Variants in NIBAN1 observed in about 807,000 individuals in gnomAD.
NIBAN1 encodes protein Niban 1.
In NIBAN1, 81 loss-of-function variants were observed where a neutral mutation model predicts 75.1. The ratio of observed to expected loss-of-function variants is 1.08; its 90% confidence interval spans 0.90 to 1.30. The LOEUF (loss-of-function observed/expected upper bound fraction) is 1.30. NIBAN1 is among the 50% of genes most tolerant of loss of function. The pLI, the probability that NIBAN1 is intolerant of heterozygous loss-of-function variation, is 0.00. For missense variants in NIBAN1, 1,133 were observed against 1,128.1 expected (o/e 1.00, Z -0.06); for synonymous variants, 436 against 424.8 (o/e 1.03, Z -0.32).
intron 5 of NIBAN1, among the ~76,000 whole-genome samples, chr1:184,883,691 G>C (rs531556333): frequency 2.6e-5 from 4 of 152,206 alleles, no homozygotes; most frequent in Non-Finnish European, 5.9e-5. Flanking sequence ...CCACTCGGCC[G>C]TGTGCTAGAA....
At chr1:184,970,688 A>G (rs1397239643) in intron 1 of NIBAN1, among the ~76,000 whole-genome samples, 1 of 152,134 alleles carries the variant, frequency 6.6e-6, no homozygotes, top group East Asian at 1.9e-4. Flanking sequence ...CCAGTGGGGG[A>G]AAACAGTTTT....
At chr1:184,907,220 C>CAAA (rs11360294) in intron 1 of NIBAN1, among the ~76,000 whole-genome samples, 2 of 149,274 alleles carry the variant, frequency 1.3e-5, no homozygotes. Flanking sequence ...TATAAAATTG[C>CAAA]AAAAAAAAAA....
At chr1:184,970,102 C>T (rs1252382450) in intron 1 of NIBAN1, among the ~76,000 whole-genome samples, 1 of 147,192 alleles carries the variant, frequency 6.8e-6, no homozygotes, top group East Asian at 2.0e-4. Flanking sequence ...CCAGGGAGGT[C>T]GAGGCTGCAG....
At chr1:184,940,445 A>C (rs888200230) in intron 1 of NIBAN1, among the ~76,000 whole-genome samples, 3 of 152,224 alleles carry the variant, frequency 2.0e-5, no homozygotes, top group Admixed American at 2.0e-4. Flanking sequence ...GTATAATACC[A>C]CAGACTTCTC....
chr1:184,873,865 A>AG (rs138916632), intron 5 of NIBAN1, among the ~76,000 whole-genome samples: 2,815 of 152,272 alleles, frequency 0.018, 80 homozygotes, highest in African/African-American at 0.063. Context: ...AACCTAAGAG[A>AG]GTATAGTAAA....
At chr1:184,950,800 A>G (rs1658340322) in intron 1 of NIBAN1, among the ~76,000 whole-genome samples, 1 of 152,200 alleles carries the variant, frequency 6.6e-6, no homozygotes, top group Non-Finnish European at 1.5e-5. Flanking sequence ...GGGAAACAAT[A>G]ATTTCATTAC....
intron 7 of NIBAN1, 76 bp from the exon 8 acceptor site, chr1:184,823,405 C>G: frequency 6.5e-7 from 1 of 1,546,260 alleles, no homozygotes; most frequent in Non-Finnish European, 8.8e-7. Context: ...AGGGAGGAGC[C>G]TTCATCACAG....
chr1:184,863,445 G>GT (rs1196145444), intron 5 of NIBAN1, among the ~76,000 whole-genome samples: 7 of 151,894 alleles, frequency 4.6e-5, no homozygotes, highest in South Asian at 2.1e-4. Context: ...GTTCAAATTA[G>GT]TTTTTTTTGT....
At chr1:184,928,984 C>T (rs1571581547) in intron 1 of NIBAN1, among the ~76,000 whole-genome samples, 2 of 152,248 alleles carry the variant, frequency 1.3e-5, no homozygotes, top group South Asian at 4.1e-4. Context: ...TCTACCTGCA[C>T]ACATACAAAT....
chr1:184,936,837 A>G (rs1657974024), intron 1 of NIBAN1, among the ~76,000 whole-genome samples: 1 of 152,146 alleles, frequency 6.6e-6, no homozygotes, highest in Admixed American at 6.5e-5. Flanking sequence ...ATAAGGTAAC[A>G]TTTACAAGTT....
At chr1:184,828,028 G>C (rs906165091) in intron 6 of NIBAN1, among the ~76,000 whole-genome samples, 3 of 133,222 alleles carry the variant, frequency 2.3e-5, no homozygotes, top group Non-Finnish European at 4.7e-5. Context: ...AGCCCATCTT[G>C]GTATTTTAAA....
At chr1:184,943,400 C>T (rs796078186) in intron 1 of NIBAN1, among the ~76,000 whole-genome samples, 4 of 152,274 alleles carry the variant, frequency 2.6e-5, no homozygotes, top group African/African-American at 9.6e-5. Flanking sequence ...ATATAGGCAT[C>T]CGATCACTGC....
chr1:184,807,369 T>C (rs1320957494), intron 10 of NIBAN1, among the ~76,000 whole-genome samples: 6 of 151,790 alleles, frequency 4.0e-5, no homozygotes, highest in African/African-American at 9.7e-5. Flanking sequence ...AATTCAAATA[T>C]GAAGCTGTGA....
chr1:184,803,675 G>C lies in NIBAN1; in HGVS notation c.1464C>G (p.Ser488Arg), dbSNP rs748830474. Residue 488 changes from serine (S) to arginine (R), a missense_variant, in exon 12 of 14, where the codon AGC becomes AGG. Transcript: ENST00000367511. Reference protein sequence around the residue: ...LRVLKQYDYDSSTIRKKIFQE... With the variant: ...LRVLKQYDYDRSTIRKKIFQE... ...GAAATATCTTCTTTCGGATGGTGCT[G>C]CTGTCATAATCATATTGCTGTCAAT... is the stretch of plus-strand genomic sequence containing the variant. 21 of 1,613,834 alleles carry C rather than the reference G, an allele frequency of 1.3e-5. No individual in the cohort carries two copies. The highest frequency in any genetic ancestry group is 1.5e-5 in the Non-Finnish European group (18 of 1,179,860).
intron 1 of NIBAN1, among the ~76,000 whole-genome samples, chr1:184,906,499 G>A (rs746772983): frequency 3.4e-4 from 51 of 151,856 alleles, no homozygotes; most frequent in East Asian, 5.8e-4. Context: ...GCGTGGTGGC[G>A]CATGCCTGTA....
chr1:184,830,704 A>G (rs1654973630), intron 6 of NIBAN1, among the ~76,000 whole-genome samples: 1 of 149,932 alleles, frequency 6.7e-6, no homozygotes, highest in South Asian at 2.1e-4. Context: ...GGAGATGTGG[A>G]AAAAAAAAAT....
chr1:184,878,189 T>C (rs570760512), intron 5 of NIBAN1, among the ~76,000 whole-genome samples: 1 of 152,318 alleles, frequency 6.6e-6, no homozygotes, highest in African/African-American at 2.4e-5. Flanking sequence ...CATATACTGC[T>C]GGGGAGAAAC....
chr1:184,809,394 G>T (rs1294681472), intron 9 of NIBAN1, among the ~76,000 whole-genome samples: 2 of 152,108 alleles, frequency 1.3e-5, no homozygotes, highest in African/African-American at 4.8e-5. Context: ...TATCAGATTG[G>T]CAAAAGTTTA....
At chr1:184,968,863 C>T (rs1658865722) in intron 1 of NIBAN1, among the ~76,000 whole-genome samples, 1 of 152,160 alleles carries the variant, frequency 6.6e-6, no homozygotes, top group Admixed American at 6.5e-5. Context: ...GGAGGTTCTT[C>T]TCTATGAAAC....
Sources: allele counts gnomAD v4.1 joint callset (sites outside exome capture counted in the v4.1 genomes callset), GRCh38; gene constraint gnomAD v4.1.1; transcripts MANE v1.5; gene names NCBI Gene and HGNC (gene_info 2026-07-23, HGNC 2026-07-21).